CRAMP1: variants seen among roughly 807,000 people sequenced by gnomAD.
The protein encoded by CRAMP1 is protein cramped-like.
Under a neutral mutation model 115.4 loss-of-function variants are expected in CRAMP1, and 50 were observed. That is an observed-to-expected ratio of 0.43 (90% CI 0.35 to 0.55). CRAMP1 has a LOEUF of 0.55. Among genes scored for constraint, CRAMP1 ranks in the 20% least tolerant of loss-of-function variants. CRAMP1 has a pLI of 0.01. For missense variants in CRAMP1, 1,679 were observed against 1,721.7 expected, an observed-to-expected ratio of 0.98 and a Z score of 0.44; for synonymous variants, 866 against 745.4, an observed-to-expected ratio of 1.16 and a Z score of -2.64.
In CRAMP1 at chr16:1,662,741, C is replaced by T. The variant is rs372826886; in HGVS notation, c.2596-20C>T. 1.6e-5 allele frequency: 26 copies of T among 1,613,572 alleles called. No homozygotes were observed. Among genetic ancestry groups the T allele is most frequent in the South Asian group, 3.3e-5 (3 of 91,072 alleles). On this transcript the variant is annotated intron_variant, in intron 12 of 20. Transcript: ENST00000397412. ...GTCTGGAGAGTGCACCTTCAGGTGC[C>T]GGACGCTGCTCCCTTACAGATGCAG...
Position 1,668,209 on chromosome 16 carries a change from C to T in CRAMP1, c.3334+16C>T. On this transcript the variant is annotated intron_variant, in intron 18 of 20. Transcript: ENST00000397412. ...GGTCAGTACGGTAAGGGCAGGGCGG[C>T]CTCACAGCCCTTCCTGTCATCAGGT... 7.1e-6 allele frequency: 11 copies of T among 1,542,482 alleles called. No homozygotes were observed. Among genetic ancestry groups the T allele is most frequent in the Non-Finnish European group, 9.9e-6 (11 of 1,115,944 alleles).
At chr16:1,654,418 G>A (rs952872996) in intron 8 of CRAMP1, among the ~76,000 whole-genome samples, 16 of 152,102 alleles carry the variant, frequency 1.1e-4, no homozygotes, top group African/African-American at 3.9e-4. Flanking sequence ...CACCATGTTG[G>A]TCAGGCTGGT....
intron 17 of CRAMP1, 21 bp downstream of exon 17, chr16:1,667,421 G>A (rs754067369): frequency 6.2e-7 from 1 of 1,602,112 alleles, no homozygotes. Flanking sequence ...CTCTTGGGCT[G>A]CTGAGCAAAG....
At chr16:1,613,816 C>A (rs1235109246) in intron 1 of CRAMP1, among the ~76,000 whole-genome samples, 1 of 152,232 alleles carries the variant, frequency 6.6e-6, no homozygotes, top group Non-Finnish European at 1.5e-5. Flanking sequence ...CTGTTCCATG[C>A]AACAGGCTCC....
rs199852117 is a variant in CRAMP1, at chr16:1,655,202, G to A, written c.1038-17G>A. On this transcript the variant is annotated splice_polypyrimidine_tract_variant and intron_variant, in intron 8 of 20. Transcript: ENST00000397412. Reference sequence around the variant, plus strand: ...TGTTCTGCGAACCTCACTTCCTCCTGTCTGTCGTCTCCGTAGGATGATCGT... The same window carrying A: ...TGTTCTGCGAACCTCACTTCCTCCTATCTGTCGTCTCCGTAGGATGATCGT... 6.2e-7 allele frequency: 1 copy of A among 1,609,178 alleles called. No individual in the cohort carries two copies. The highest frequency in any genetic ancestry group is 2.2e-5 in the East Asian group (1 of 44,878).
rs1230326632 is a variant in CRAMP1, at chr16:1,614,513, G to T, written c.-1-126G>T. On this transcript the variant is annotated intron_variant, in intron 1 of 20. Coordinates refer to ENST00000397412, the MANE Select transcript of CRAMP1 (RefSeq NM_020825.4). This position sits in a 1 kb window ranked among gnomAD's most constrained non-coding sequence, Gnocchi z 4.4. ...GGCGGGCTCGGGCGGGCTCGGGCGG[G>T]CCGGGCCGAGCCGCCGAGAGGGGAT... 1 of 419,288 alleles carries T rather than the reference G, an allele frequency of 2.4e-6. No individual in the cohort carries two copies. The highest frequency in any genetic ancestry group is 2.2e-5 in the African/African-American group (1 of 46,266). 26.0% of individuals were successfully genotyped at this position (419,288 alleles called of 1,614,324 possible). A position where few individuals can be genotyped will look rare whatever the true frequency, so the allele number is the denominator to read the frequency against.
intron 5 of CRAMP1, among the ~76,000 whole-genome samples, chr16:1,638,428 G>A (rs1253779354): frequency 6.6e-6 from 1 of 152,196 alleles, no homozygotes; most frequent in African/African-American, 2.4e-5. Context: ...ACTTAGAGCG[G>A]CCGCACTGCC....
At chr16:1,617,690 A>C (rs530605431) in intron 2 of CRAMP1, among the ~76,000 whole-genome samples, 2 of 152,356 alleles carry the variant, frequency 1.3e-5, no homozygotes, top group East Asian at 3.9e-4. Flanking sequence ...ATTTGGAAGA[A>C]AGGACTTGTG....
chr16:1,614,341 C>CCGGGGCCGGGGCCGGGT lies in CRAMP1; in HGVS notation c.-1-298_-1-297insCGGGGCCGGGGCCGGGT, dbSNP rs1567444463. On this transcript the variant is annotated intron_variant, in intron 1 of 20. Coordinates refer to ENST00000397412, the MANE Select transcript of CRAMP1 (RefSeq NM_020825.4). This position sits in a 1 kb window ranked among gnomAD's most constrained non-coding sequence, Gnocchi z 4.4. ...GGCCGGGGCCGGGGCCGGGGCCGGG[C>CCGGGGCCGGGGCCGGGT]AGGGTCCGCCGAGCTGTCGCGCCCT... is the stretch of plus-strand genomic sequence containing the variant. 4.9e-4 allele frequency among the ~76,000 whole-genome samples: 62 copies of CCGGGGCCGGGGCCGGGT among 126,138 alleles called. No individual in the cohort carries two copies. The East Asian group carries it at 0.014, about 28-fold the overall frequency. 82.8% of individuals were successfully genotyped at this position (126,138 alleles called of 152,430 possible).
chr16:1,626,846 CTG>C (rs1434066542), intron 3 of CRAMP1, among the ~76,000 whole-genome samples: 1 of 152,094 alleles, frequency 6.6e-6, no homozygotes, highest in Non-Finnish European at 1.5e-5. Context: ...TGTGTGCTCA[CTG>C]TGTGCTTTTG....
chr16:1,661,579 C>A (rs907773152), intron 11 of CRAMP1, among the ~76,000 whole-genome samples: 3 of 151,666 alleles, frequency 2.0e-5, no homozygotes, highest in Admixed American at 6.6e-5. Flanking sequence ...GGGGCCAGTC[C>A]CTACTATGAA....
intron 18 of CRAMP1, 58 bp downstream of exon 18, chr16:1,668,251 A>G: frequency 8.1e-7 from 1 of 1,233,796 alleles, no homozygotes; most frequent in Non-Finnish European, 1.2e-6. Flanking sequence ...CTCCTGCCCC[A>G]ATGTTTGCCA....
chr16:1,650,261 T>C (rs978239066), intron 6 of CRAMP1, among the ~76,000 whole-genome samples: 1 of 152,194 alleles, frequency 6.6e-6, no homozygotes, highest in African/African-American at 2.4e-5. Context: ...GTCACCCTTT[T>C]TGCCTGTCTG....
chr16:1,662,376 C>G, intron 11 of CRAMP1, 114 bp from the exon 12 acceptor site: 2 of 811,044 alleles, frequency 2.5e-6, no homozygotes. Flanking sequence ...TCAAGGCAGC[C>G]GAACGGGTTG....
chr16:1,612,828 CG>C (rs1361626409), intron 1 of CRAMP1, among the ~76,000 whole-genome samples, 171 bp downstream of exon 1: 1 of 152,038 alleles, frequency 6.6e-6, no homozygotes, highest in African/African-American at 2.4e-5. Flanking sequence ...CGAGCCGGTG[CG>C]GAGCGGGACG....
intron 5 of CRAMP1, 43 bp downstream of exon 5, chr16:1,637,950 C>G: frequency 7.0e-6 from 7 of 1,003,554 alleles, no homozygotes; most frequent in Non-Finnish European, 9.8e-6. Flanking sequence ...TCCTCCTGTC[C>G]TTTGTCACCT....
intron 6 of CRAMP1, among the ~76,000 whole-genome samples, chr16:1,641,553 A>T (rs1272636101): frequency 1.3e-5 from 2 of 151,614 alleles, no homozygotes; most frequent in Non-Finnish European, 2.9e-5. Flanking sequence ...TTTCCATTGC[A>T]TTTTTGTCGT....
chr16:1,614,562 G>A lies in CRAMP1; in HGVS notation c.-1-77G>A, dbSNP rs1299033407. Reference sequence around the variant, plus strand: ...ATTTGGAACAAACAACGGCGGCCATGTTGAGAGCGCGTCGGGGCCGCTAAA... The same window carrying A: ...ATTTGGAACAAACAACGGCGGCCATATTGAGAGCGCGTCGGGGCCGCTAAA... On this transcript the variant is annotated intron_variant, in intron 1 of 20. Coordinates refer to ENST00000397412, the MANE Select transcript of CRAMP1 (RefSeq NM_020825.4). The surrounding 1 kb of genome is among the most constrained non-coding windows in gnomAD (Gnocchi z 4.4). The A allele has an allele frequency of 9.8e-6, 9 of 916,260 alleles. No individual in the cohort carries two copies. In the East Asian group the frequency reaches 2.5e-4, roughly 26 times the overall value. The allele number at this position is 916,260 out of a possible 1,614,324, so 56.8% of individuals were successfully genotyped here. A position where few individuals can be genotyped will look rare whatever the true frequency, so the allele number is the denominator to read the frequency against.
chr16:1,622,382 G>T lies in CRAMP1; in HGVS notation c.347-3591G>T, dbSNP rs550194791. Among the ~76,000 whole-genome samples, 11 of 152,256 alleles carry T rather than the reference G, an allele frequency of 7.2e-5. No homozygotes were observed. The South Asian group carries it at 2.3e-3, about 32-fold the overall frequency. ...CAAAAAAATTAGCCATTGTGGTGGT[G>T]TGCACCCATAATCCCAGCTACTCGA... On this transcript the variant is annotated intron_variant, in intron 2 of 20. Coordinates refer to ENST00000397412, the MANE Select transcript of CRAMP1 (RefSeq NM_020825.4).
Sources: allele counts gnomAD v4.1 joint callset (sites outside exome capture counted in the v4.1 genomes callset), GRCh38; gene constraint gnomAD v4.1.1; non-coding constraint Gnocchi (gnomAD v3.1); transcripts MANE v1.5; gene names NCBI Gene and HGNC (gene_info 2026-07-23, HGNC 2026-07-21).